Variants in STIM2 observed in about 807,000 individuals in gnomAD.
The protein encoded by STIM2 is stromal interaction molecule 2.
Under a neutral mutation model 85.8 loss-of-function variants are expected in STIM2, and 31 were observed. The ratio of observed to expected loss-of-function variants is 0.36; its 90% CI spans 0.27 to 0.49. The LOEUF is 0.49. STIM2 is among the 20% of genes least tolerant of loss of function. STIM2 has a pLI of 0.98. For synonymous variants in STIM2, 356 were observed against 331.1 expected (o/e 1.08, Z -0.82); for missense variants, 841 against 927.6 (o/e 0.91, Z 1.21).
At chr4:26,982,636 C>T (rs975701592) in intron 3 of STIM2, among the ~76,000 whole-genome samples, 2 of 152,246 alleles carry the variant, frequency 1.3e-5, no homozygotes, top group East Asian at 1.9e-4. Flanking sequence ...AGCCATTTCT[C>T]CAAGGAACCC....
At chr4:26,863,882 C>G (rs1298539153) in intron 1 of STIM2, among the ~76,000 whole-genome samples, 5 of 152,216 alleles carry the variant, frequency 3.3e-5, no homozygotes, top group Admixed American at 2.0e-4. Flanking sequence ...TTTCTGTTTT[C>G]TTCTCGAGAT....
chr4:26,882,342 C>T (rs1402479164), intron 1 of STIM2, among the ~76,000 whole-genome samples: 1 of 151,934 alleles, frequency 6.6e-6, no homozygotes, highest in Non-Finnish European at 1.5e-5. Flanking sequence ...AATTTTTTTT[C>T]CCCCAATTGT....
At chr4:26,919,437 T>G in intron 1 of STIM2, 67 bp from the exon 2 acceptor site, 1 of 1,586,156 alleles carries the variant, frequency 6.3e-7, no homozygotes, top group Non-Finnish European at 8.5e-7. Context: ...TCTTTTAAAT[T>G]ATACTCTCTA....
chr4:26,880,186 T>A (rs1722952278), intron 1 of STIM2, among the ~76,000 whole-genome samples: 2 of 152,248 alleles, frequency 1.3e-5, no homozygotes, highest in African/African-American at 4.8e-5. Flanking sequence ...GCTTCCTTTC[T>A]GCTGCTGGAG....
intron 1 of STIM2, among the ~76,000 whole-genome samples, chr4:26,918,221 A>T (rs1724662971): frequency 1.3e-5 from 2 of 149,538 alleles, no homozygotes; most frequent in East Asian, 3.9e-4. Flanking sequence ...AGGTAATATC[A>T]GTTTGACTTT....
chr4:27,015,677 G>T (rs1425687626), intron 10 of STIM2, among the ~76,000 whole-genome samples: 2 of 151,752 alleles, frequency 1.3e-5, no homozygotes, highest in Non-Finnish European at 2.9e-5. Flanking sequence ...AGTCAACTTG[G>T]TTCGGGTTCT....
At chr4:26,949,912 A>C (rs1055623042) in intron 2 of STIM2, among the ~76,000 whole-genome samples, 1 of 152,206 alleles carries the variant, frequency 6.6e-6, no homozygotes, top group Non-Finnish European at 1.5e-5. Context: ...TTGCTTTATA[A>C]AAATATTAAT....
At chr4:26,992,103 TG>T (rs1727787777) in intron 3 of STIM2, among the ~76,000 whole-genome samples, 1 of 152,114 alleles carries the variant, frequency 6.6e-6, no homozygotes, top group Non-Finnish European at 1.5e-5. Context: ...GAATTTCTTA[TG>T]TAATGAAAAA....
At chr4:27,001,360 A>C (rs911741349) in intron 5 of STIM2, among the ~76,000 whole-genome samples, 3 of 152,222 alleles carry the variant, frequency 2.0e-5, no homozygotes, top group African/African-American at 7.2e-5. Context: ...CACTGAAGGC[A>C]GTAGGCCCTG....
At chr4:27,001,623 C>T (rs1414787897) in intron 5 of STIM2, among the ~76,000 whole-genome samples, 1 of 152,120 alleles carries the variant, frequency 6.6e-6, no homozygotes, top group Non-Finnish European at 1.5e-5. Flanking sequence ...GATGTCTGCC[C>T]ACTAGGTGCC....
At chr4:26,873,509 T>C (rs1577407353) in intron 1 of STIM2, 5 of 352,770 alleles carry the variant, frequency 1.4e-5, no homozygotes, top group Admixed American at 4.0e-5. Flanking sequence ...TCCCTTGTTA[T>C]TTCCTTGTTA....
In STIM2 at chr4:27,008,563, G is replaced by A. The variant is rs753025061; in HGVS notation, c.1250+35G>A. ...TTGTTTTCACTTTTATTTGATTTAT[G>A]TTTATTGTGTTAAAATGAGTAATTT... On this transcript the variant is annotated intron_variant, in intron 9 of 11. Coordinates refer to ENST00000467087, the MANE Select transcript of STIM2 (RefSeq NM_020860.4). 27 of 1,442,118 alleles carry A rather than the reference G, an allele frequency of 1.9e-5. 1 individual carries two copies. In the South Asian group the frequency reaches 3.5e-4, roughly 19 times the overall value. 89.3% of individuals were successfully genotyped at this position (1,442,118 alleles called of 1,614,324 possible).
chr4:26,951,046 A>G (rs564212663), intron 2 of STIM2, among the ~76,000 whole-genome samples: 1 of 152,224 alleles, frequency 6.6e-6, no homozygotes, highest in Admixed American at 6.5e-5. Flanking sequence ...CTTTTTTATT[A>G]AGGGTAAACG....
intron 2 of STIM2, among the ~76,000 whole-genome samples, chr4:26,937,668 A>G (rs975787685): frequency 6.6e-6 from 1 of 152,188 alleles, no homozygotes; most frequent in Admixed American, 6.5e-5. Context: ...AGAGAGTGTT[A>G]TTAATAATTA....
At chr4:26,933,239 C>G (rs997280819) in intron 2 of STIM2, among the ~76,000 whole-genome samples, 2 of 150,582 alleles carry the variant, frequency 1.3e-5, no homozygotes, top group African/African-American at 4.9e-5. Flanking sequence ...TTTTTCATAT[C>G]TGTTCTTATG....
At chr4:26,970,848 C>T (rs1296794105) in intron 3 of STIM2, among the ~76,000 whole-genome samples, 1 of 152,100 alleles carries the variant, frequency 6.6e-6, no homozygotes. Context: ...AACTAACTTA[C>T]ACTCCCACCA....
At chr4:26,879,631 T>C (rs1265247346) in intron 1 of STIM2, among the ~76,000 whole-genome samples, 1 of 152,228 alleles carries the variant, frequency 6.6e-6, no homozygotes, top group East Asian at 1.9e-4. Context: ...CGAAGGACTA[T>C]GTAAGTATCA....
At position 26,880,839 on chromosome 4, in the gene STIM2, T is replaced by C. The variant is rs1577412463; in HGVS notation, c.151+19470T>C. 2.0e-5 allele frequency among the ~76,000 whole-genome samples: 3 copies of C among 151,728 alleles called. No homozygotes were observed. The South Asian group carries it at 6.2e-4, about 31-fold the overall frequency. ...TTTTTTTCAAAGATCTTAGAATTCT[T>C]AAAATTGGTACTTTGTTATTTTTAT... On this transcript the variant is annotated intron_variant, in intron 1 of 11. Coordinates refer to ENST00000467087, the MANE Select transcript of STIM2 (RefSeq NM_020860.4).
chr4:26,913,470 G>C (rs867023828), intron 1 of STIM2, among the ~76,000 whole-genome samples: 7 of 152,106 alleles, frequency 4.6e-5, no homozygotes, highest in African/African-American at 1.7e-4. Flanking sequence ...TGCATATTTT[G>C]TTCAATAAGT....
Sources: allele counts gnomAD v4.1 joint callset (sites outside exome capture counted in the v4.1 genomes callset), GRCh38; gene constraint gnomAD v4.1.1; transcripts MANE v1.5; gene names NCBI Gene and HGNC (gene_info 2026-07-23, HGNC 2026-07-21).